GNAL: variants seen among roughly 807,000 people sequenced by gnomAD.
GNAL encodes the protein guanine nucleotide-binding protein G(olf) subunit alpha.
In GNAL, 18 loss-of-function variants were observed where a neutral mutation model predicts 55.1. That is an observed-to-expected ratio of 0.33 (90% CI 0.23 to 0.48). The LOEUF (loss-of-function observed/expected upper bound fraction) is 0.48. GNAL is among the 20% of genes least tolerant of loss of function. GNAL has a pLI of 0.99. For missense variants in GNAL, 412 were observed against 614.1 expected (o/e 0.67, Z 3.48); for synonymous variants, 253 against 237.0 (o/e 1.07, Z -0.62).
At chr18:11,737,403 T>A (rs2032483412) in intron 1 of GNAL, among the ~76,000 whole-genome samples, 1 of 152,218 alleles carries the variant, frequency 6.6e-6, no homozygotes, top group Non-Finnish European at 1.5e-5. Flanking sequence ...TCCCTCTCCC[T>A]GACCTTCAAG....
At chr18:11,851,421 A>G (rs906663701) in intron 5 of GNAL, 1 of 1,407,990 alleles carries the variant, frequency 7.1e-7, no homozygotes, top group Non-Finnish European at 9.3e-7. Flanking sequence ...ACCAAAACAA[A>G]GGAGCGGCGG....
intron 5 of GNAL, among the ~76,000 whole-genome samples, chr18:11,838,360 A>C (rs1004155338): frequency 2.6e-5 from 4 of 152,206 alleles, no homozygotes; most frequent in African/African-American, 9.6e-5. Flanking sequence ...AGGTGTATCT[A>C]CAGAGACAGA....
chr18:11,829,804 G>C (rs2035336793), intron 5 of GNAL, among the ~76,000 whole-genome samples: 1 of 152,180 alleles, frequency 6.6e-6, no homozygotes, highest in African/African-American at 2.4e-5. Flanking sequence ...GAGGTCAGGA[G>C]TTCGAGACCA....
At chr18:11,862,503 C>T (rs1377453743) in intron 6 of GNAL, 54 bp downstream of exon 6, 2 of 1,289,206 alleles carry the variant, frequency 1.6e-6, no homozygotes, top group African/African-American at 2.9e-5. Context: ...GATTCATTTC[C>T]AATATGATTT....
In GNAL at chr18:11,760,098, C is replaced by T. The variant is rs996078917; in HGVS notation, c.624+6153C>T. 5.9e-5 allele frequency among the ~76,000 whole-genome samples: 9 copies of T among 152,140 alleles called. No individual in the cohort carries two copies. The East Asian group carries it at 1.2e-3, about 20-fold the overall frequency. The stretch of plus-strand genomic sequence containing the variant: ...CTGAGGACCAGGCCTCTTTCTCCAC[C>T]GCCTCCTCTCCCCGCAGCTCGCTCT... On this transcript the variant is annotated intron_variant, in intron 4 of 11. Coordinates refer to ENST00000334049, the MANE Select transcript of GNAL (RefSeq NM_182978.4).
chr18:11,696,231 G>A (rs1401764262), intron 1 of GNAL, among the ~76,000 whole-genome samples: 3 of 152,174 alleles, frequency 2.0e-5, no homozygotes, highest in East Asian at 3.9e-4. Flanking sequence ...GGCCGAGCGC[G>A]GTGGCTCACC....
intron 5 of GNAL, chr18:11,857,007 A>G (rs2036023278): frequency 6.6e-6 from 1 of 152,248 alleles, no homozygotes; most frequent in Non-Finnish European, 1.5e-5. Flanking sequence ...AGTCCAAAAC[A>G]TGCATGCCAT....
intron 4 of GNAL, among the ~76,000 whole-genome samples, chr18:11,795,096 A>G (rs908232795): frequency 1.3e-5 from 2 of 151,710 alleles, no homozygotes; most frequent in Non-Finnish European, 2.9e-5. Flanking sequence ...GCCCATCTCA[A>G]CCTCCCAAAG....
chr18:11,785,843 T>C (rs1269860522), intron 4 of GNAL, among the ~76,000 whole-genome samples: 1 of 152,216 alleles, frequency 6.6e-6, no homozygotes, highest in Non-Finnish European at 1.5e-5. Flanking sequence ...CGTGTTGAGC[T>C]GTTATTGAAG....
rs148369517 is a variant in GNAL, at chr18:11,805,301, A to G, written c.625-19617A>G. ...AGTGGTGAAGTACAGGTGCAATTTG[A>G]ATGGAACATGGAGATACTGTGTAGT... On this transcript the variant is annotated intron_variant, in intron 4 of 11. Transcript: ENST00000334049. 4.4e-4 allele frequency among the ~76,000 whole-genome samples: 67 copies of G among 151,476 alleles called. No individual in the cohort carries two copies. The East Asian group carries it at 0.013, about 29-fold the overall frequency.
chr18:11,803,603 A>G (rs1419321315), intron 4 of GNAL, among the ~76,000 whole-genome samples: 2 of 152,250 alleles, frequency 1.3e-5, no homozygotes, highest in Non-Finnish European at 2.9e-5. Context: ...GATATTGTGT[A>G]GTGGTGAAGT....
intron 1 of GNAL, among the ~76,000 whole-genome samples, chr18:11,743,325 A>AC (rs931649762): frequency 6.6e-6 from 1 of 152,056 alleles, no homozygotes; most frequent in African/African-American, 2.4e-5. Flanking sequence ...AAAAAAAAAA[A>AC]AAAAACCACC....
At chr18:11,864,506 A>T (rs746395874) in intron 6 of GNAL, 27 bp from the exon 7 acceptor site, 1 of 1,216,374 alleles carries the variant, frequency 8.2e-7, no homozygotes, top group Non-Finnish European at 1.2e-6. Flanking sequence ...AATGTAACTC[A>T]GCTTGTTTCC....
At chr18:11,880,592 CAAACA>C (rs1174516685) in intron 11 of GNAL, among the ~76,000 whole-genome samples, 1 of 152,092 alleles carries the variant, frequency 6.6e-6, no homozygotes, top group Non-Finnish European at 1.5e-5. Context: ...TATAAATAAA[CAAACA>C]AAATAAAATT....
chr18:11,770,663 G>A (rs2033605210), intron 4 of GNAL, among the ~76,000 whole-genome samples: 1 of 151,900 alleles, frequency 6.6e-6, no homozygotes, highest in Non-Finnish European at 1.5e-5. Flanking sequence ...TTACCCTAAA[G>A]AATACCTTTT....
At position 11,689,870 on chromosome 18, in the gene GNAL, CG is replaced by C; in HGVS notation, c.311del (p.Gly104AlafsTer36). Reference protein sequence around the residue: ...EAVKEARKVSRGIDRMLRDQK... With the variant: ...EAVKEARKVSXGIDRMLRDQK... ...GGTCAAGGAGGCGAGGAAAGTGAGC[CG>C]GGGCATCGACCGCATGCTGCGCGAC... On this transcript the variant is annotated frameshift_variant, in exon 1 of 12. Transcript: ENST00000334049. LOFTEE classifies it high-confidence loss of function. 2 of 1,512,992 alleles carry C rather than the reference CG, an allele frequency of 1.3e-6. No individual in the cohort carries two copies. 93.7% of individuals were successfully genotyped at this position (1,512,992 alleles called of 1,614,324 possible).
chr18:11,856,062 C>T (rs914311259), intron 5 of GNAL, among the ~76,000 whole-genome samples: 2 of 151,284 alleles, frequency 1.3e-5, no homozygotes, highest in Non-Finnish European at 2.9e-5. Flanking sequence ...GCCAAGCACA[C>T]TATAAAGCAG....
intron 5 of GNAL, among the ~76,000 whole-genome samples, chr18:11,861,963 T>TGCAC (rs71367581): frequency 1.4e-5 from 2 of 148,060 alleles, no homozygotes; most frequent in African/African-American, 2.5e-5. Flanking sequence ...CACGCAGTCA[T>TGCAC]ACACACACAC....
chr18:11,802,562 G>A (rs965398983), intron 4 of GNAL, among the ~76,000 whole-genome samples: 2 of 152,158 alleles, frequency 1.3e-5, no homozygotes, highest in Non-Finnish European at 2.9e-5. Context: ...AGAGCTCTGG[G>A]ATTCTCTTCA....
Sources: allele counts gnomAD v4.1 joint callset (sites outside exome capture counted in the v4.1 genomes callset), GRCh38; gene constraint gnomAD v4.1.1; transcripts MANE v1.5; gene names NCBI Gene and HGNC (gene_info 2026-07-23, HGNC 2026-07-21).